PLEKHG5: variants seen among roughly 807,000 people sequenced by gnomAD.
PLEKHG5 encodes the protein pleckstrin homology domain-containing family G member 5.
Under a neutral mutation model 103.8 loss-of-function variants are expected in PLEKHG5, and 52 were observed. The ratio of observed to expected loss-of-function variants is 0.50; its 90% CI spans 0.40 to 0.63. PLEKHG5 has a LOEUF of 0.63. Among genes scored for constraint, PLEKHG5 ranks in the 30% least tolerant of loss-of-function variants. The pLI, the probability that PLEKHG5 is intolerant of heterozygous loss-of-function variation, is 0.00. For missense variants in PLEKHG5, 1,205 were observed against 1,347.6 expected, an observed-to-expected ratio of 0.89 and a Z score of 1.66; for synonymous variants, 592 against 575.5, an observed-to-expected ratio of 1.03 and a Z score of -0.41.
At chr1:6,476,119 T>G in intron 2 of PLEKHG5, 83 bp from the exon 3 acceptor site, 2 of 1,167,190 alleles carry the variant, frequency 1.7e-6, no homozygotes, top group South Asian at 1.2e-5. Context: ...GACCACAGCC[T>G]GTTACCCTGG....
chr1:6,472,904 T>C lies in PLEKHG5; in HGVS notation c.984+82A>G, dbSNP rs375715923. The C allele has an allele frequency of 5.4e-5, 73 of 1,350,490 alleles. 1 individual carries two copies. The East Asian group carries it at 9.8e-4, about 18-fold the overall frequency. 83.7% of individuals were successfully genotyped at this position (1,350,490 alleles called of 1,614,324 possible). A position where few individuals can be genotyped will look rare whatever the true frequency, so the allele number is the denominator to read the frequency against. On this transcript the variant is annotated intron_variant, in intron 9 of 20. Coordinates refer to ENST00000377728, the MANE Select transcript of PLEKHG5 (RefSeq NM_020631.6). ...ACAGTGGCCTCTTTGGGGCGTCCCA[T>C]GGAACATCTGATCACTGGGTCCTCC...
At chr1:6,514,738 G>A (rs1191505154) in intron 1 of PLEKHG5, among the ~76,000 whole-genome samples, 4 of 151,104 alleles carry the variant, frequency 2.6e-5, no homozygotes, top group African/African-American at 9.8e-5. Context: ...TCCAGCCTGG[G>A]TGACAGAGCA....
At chr1:6,509,092 C>T (rs2148635792) in intron 1 of PLEKHG5, among the ~76,000 whole-genome samples, 1 of 152,374 alleles carries the variant, frequency 6.6e-6, no homozygotes, top group East Asian at 1.9e-4. Flanking sequence ...CCAGACCTAT[C>T]TCGGGGGACT....
intron 1 of PLEKHG5, 37 bp from the exon 2 acceptor site, chr1:6,477,695 G>T: frequency 6.3e-7 from 1 of 1,592,818 alleles, no homozygotes; most frequent in South Asian, 1.1e-5. Flanking sequence ...AGGTCCACGA[G>T]ATCCACCACA....
chr1:6,496,145 C>T (rs949295266), upstream of PLEKHG5, among the ~76,000 whole-genome samples: 1 of 152,222 alleles, frequency 6.6e-6, no homozygotes, highest in Non-Finnish European at 1.5e-5. Context: ...GGACCAGCAC[C>T]GTGGGAGACC....
At chr1:6,513,572 C>T (rs538187410) in intron 1 of PLEKHG5, among the ~76,000 whole-genome samples, 2 of 152,370 alleles carry the variant, frequency 1.3e-5, no homozygotes, top group Admixed American at 6.5e-5. Context: ...CTGCCAGCTG[C>T]TGGCCACTGC....
chr1:6,499,943 G>A (rs144524734), upstream of PLEKHG5, among the ~76,000 whole-genome samples: 254 of 152,246 alleles, frequency 1.7e-3, 2 homozygotes, highest in African/African-American at 5.8e-3. Context: ...GGGACCACCG[G>A]TGCACACCAC....
At chr1:6,478,254 C>G (rs1163333444) in intron 1 of PLEKHG5, among the ~76,000 whole-genome samples, 1 of 152,132 alleles carries the variant, frequency 6.6e-6, no homozygotes, top group African/African-American at 2.4e-5. Context: ...TCACTGCAGC[C>G]TTGACCTCCC....
In PLEKHG5 at chr1:6,502,017, G is replaced by A. The variant is rs1461824721; in HGVS notation, c.-164-5448C>T. On this transcript the variant is annotated intron_variant, in intron 1 of 21. Transcript: ENST00000377740. ...GCTGCCCCTCTCAGGAAGCAGCTGT[G>A]GCCTTGAATGTCCCCTCCCGCGTGA... is the stretch of plus-strand genomic sequence containing the variant. Among the ~76,000 whole-genome samples, 4 of 152,230 alleles carry A rather than the reference G, an allele frequency of 2.6e-5. No individual in the cohort carries two copies. In the East Asian group the frequency reaches 7.7e-4, roughly 29 times the overall value.
chr1:6,499,232 G>C (rs137873539), upstream of PLEKHG5, among the ~76,000 whole-genome samples: 72 of 152,236 alleles, frequency 4.7e-4, no homozygotes, highest in African/African-American at 1.6e-3. Flanking sequence ...TCTGCCACTG[G>C]GTCTGCCTCA....
chr1:6,488,726 C>T (rs528856722), intron 1 of PLEKHG5, among the ~76,000 whole-genome samples: 3 of 152,268 alleles, frequency 2.0e-5, no homozygotes. Context: ...GGAGCTGAAA[C>T]AGCTCAGGGG....
intron 1 of PLEKHG5, among the ~76,000 whole-genome samples, chr1:6,518,890 C>T (rs1298752702): frequency 6.6e-6 from 1 of 152,234 alleles, no homozygotes; most frequent in Non-Finnish European, 1.5e-5. Flanking sequence ...GTTGCCCAGG[C>T]TGGACTGCAG....
chr1:6,498,043 C>T (rs1645253778), upstream of PLEKHG5, among the ~76,000 whole-genome samples: 2 of 147,636 alleles, frequency 1.4e-5, no homozygotes, highest in South Asian at 2.3e-4. Context: ...TGACTTCCAA[C>T]ACATCGATTC....
chr1:6,501,243 A>G (rs754918576), upstream of PLEKHG5, among the ~76,000 whole-genome samples: 45 of 151,838 alleles, frequency 3.0e-4, no homozygotes, highest in Non-Finnish European at 5.4e-4. This position sits in a 1 kb window ranked among gnomAD's most constrained non-coding sequence, Gnocchi z 4.3. Flanking sequence ...TCACTCCGCT[A>G]CTTGCCGGAC....
At chr1:6,468,962 A>T (rs1199686416) in intron 19 of PLEKHG5, 80 bp downstream of exon 19, 2 of 1,155,430 alleles carry the variant, frequency 1.7e-6, no homozygotes, top group African/African-American at 1.5e-5. Context: ...GGAGGAAGGG[A>T]GCGTGGCTGG....
chr1:6,471,120 C>T lies in PLEKHG5; in HGVS notation c.1282-20G>A. 1 of 1,554,262 alleles carries T rather than the reference C, an allele frequency of 6.4e-7. No individual in the cohort carries two copies. Among genetic ancestry groups the T allele is most frequent in the Non-Finnish European group, 8.7e-7 (1 of 1,147,100 alleles). ...GCCGAACTGGCCCGGGGCAGAACAA[C>T]CACGGCGCCGGTTACCGCGCGCTCC... On this transcript the variant is annotated intron_variant, in intron 12 of 20. Transcript: ENST00000377728.
At chr1:6,502,925 C>T (rs755491739) in intron 1 of PLEKHG5, among the ~76,000 whole-genome samples, 6 of 152,202 alleles carry the variant, frequency 3.9e-5, no homozygotes, top group African/African-American at 7.2e-5. Context: ...CTGCCGGCCC[C>T]GGGGAGAGCT....
intron 1 of PLEKHG5, among the ~76,000 whole-genome samples, chr1:6,481,390 G>A (rs1380293839): frequency 6.6e-6 from 1 of 152,096 alleles, no homozygotes; most frequent in Non-Finnish European, 1.5e-5. Context: ...AATTAGCTGG[G>A]CATGGTGGCG....
intron 1 of PLEKHG5, among the ~76,000 whole-genome samples, chr1:6,506,587 C>T (rs1451862063): frequency 1.3e-5 from 2 of 152,194 alleles, no homozygotes; most frequent in Non-Finnish European, 2.9e-5. Flanking sequence ...GACCTGTGAC[C>T]CCGCTCCCAG....
Sources: allele counts gnomAD v4.1 joint callset (sites outside exome capture counted in the v4.1 genomes callset), GRCh38; gene constraint gnomAD v4.1.1; non-coding constraint Gnocchi (gnomAD v3.1); transcripts MANE v1.5; gene names NCBI Gene and HGNC (gene_info 2026-07-23, HGNC 2026-07-21).